DDHD1: variants seen among roughly 807,000 people sequenced by gnomAD.
DDHD1 encodes DDHD domain containing 1.
DDHD1 carries 49 observed loss-of-function variants against 96.4 expected under a neutral mutation model. The ratio of observed to expected loss-of-function variants is 0.51; its 90% CI spans 0.40 to 0.64. The LOEUF (loss-of-function observed/expected upper bound fraction) is 0.64. Among genes scored for constraint, DDHD1 ranks in the 30% least tolerant of loss-of-function variants. DDHD1 has a pLI of 0.00. For synonymous variants in DDHD1, 442 were observed against 446.5 expected (o/e 0.99, Z 0.13); for missense variants, 1,106 against 1,161.2 (o/e 0.95, Z 0.69).
Position 53,091,830 on chromosome 14 carries a change from A to G in DDHD1, c.1244T>C (p.Ile415Thr). ...TCTTCCTTGGTCCATTTTCTGCCCA[A>G]TGCCATGCACAACAAATACAATATG... ...TTHIVFVVHG[I>T]GQKMDQGRII... Residue 415 changes from isoleucine (I) to threonine (T), a missense_variant, in exon 4 of 13, where the codon ATT becomes ACT. By Grantham distance (89) the Ile-to-Thr change is moderately conservative. This residue lies in a region of DDHD1 where 650 missense variants were observed against 758.8 expected (regional missense o/e 0.86). Coordinates refer to ENST00000673822, the MANE Select transcript of DDHD1 (RefSeq NM_001160148.2). 1 of 1,613,756 alleles carries G rather than the reference A, an allele frequency of 6.2e-7. No homozygotes were observed. The highest frequency in any genetic ancestry group is 8.5e-7 in the Non-Finnish European group (1 of 1,179,828).
intron 2 of DDHD1, among the ~76,000 whole-genome samples, chr14:53,094,182 A>G (rs933314238): frequency 6.6e-6 from 1 of 152,160 alleles, no homozygotes; most frequent in Non-Finnish European, 1.5e-5. Context: ...GTCTAAAAAA[A>G]AAAAAGAAAA....
At chr14:53,115,442 G>A (rs1041631024) in intron 1 of DDHD1, among the ~76,000 whole-genome samples, 2 of 152,086 alleles carry the variant, frequency 1.3e-5, no homozygotes, top group East Asian at 1.9e-4. Flanking sequence ...CTCCAAGGCT[G>A]AAACAAAGGA....
In DDHD1 at chr14:53,061,506, C is replaced by A. The variant is rs61985087; in HGVS notation, c.1767-305G>T. On this transcript the variant is annotated intron_variant, in intron 7 of 12. Coordinates refer to ENST00000673822, the MANE Select transcript of DDHD1 (RefSeq NM_001160148.2). ...AAAAAATTATACCAAATGGTTAATA[C>A]CATATATACTGTTCTCTCTTTTCTA... is the stretch of plus-strand genomic sequence containing the variant. 0.18 allele frequency among the ~76,000 whole-genome samples: 27,199 copies of A among 151,952 alleles called. 2,609 individuals carry two copies. Among genetic ancestry groups the A allele is most frequent in the East Asian group, 0.33 (1,726 of 5,158 alleles).
intron 4 of DDHD1, among the ~76,000 whole-genome samples, chr14:53,084,877 G>A (rs976677301): frequency 2.6e-5 from 4 of 152,234 alleles, no homozygotes; most frequent in Non-Finnish European, 5.9e-5. Flanking sequence ...CTAGCCAAGG[G>A]AAGCCGTGAC....
At chr14:53,098,425 A>C (rs962512671) in intron 2 of DDHD1, among the ~76,000 whole-genome samples, 1 of 152,024 alleles carries the variant, frequency 6.6e-6, no homozygotes, top group Non-Finnish European at 1.5e-5. Context: ...ATGACATACT[A>C]ATTCCTACAA....
chr14:53,147,843 G>C (rs900056071), intron 1 of DDHD1, among the ~76,000 whole-genome samples: 2 of 152,108 alleles, frequency 1.3e-5, no homozygotes, highest in African/African-American at 4.8e-5. Context: ...CTTTATTGGA[G>C]ACAGAAACTG....
chr14:53,065,075 G>A (rs1883908299), intron 6 of DDHD1, among the ~76,000 whole-genome samples: 1 of 152,126 alleles, frequency 6.6e-6, no homozygotes, highest in South Asian at 2.1e-4. Flanking sequence ...TCTACAATAT[G>A]ATCTAATCAA....
At chr14:53,136,021 C>A (rs1365088976) in intron 1 of DDHD1, among the ~76,000 whole-genome samples, 1 of 152,182 alleles carries the variant, frequency 6.6e-6, no homozygotes, top group African/African-American at 2.4e-5. Context: ...TGACATTCCA[C>A]CATTGTAATT....
chr14:53,153,282 T>C lies in DDHD1; in HGVS notation c.-184A>G. 2.2e-6 allele frequency: 1 copy of C among 444,882 alleles called. No homozygotes were observed. The highest frequency in any genetic ancestry group is 3.7e-6 in the Non-Finnish European group (1 of 267,220). The allele number at this position is 444,882 out of a possible 1,614,324, so 27.6% of individuals were successfully genotyped here. On this transcript the variant is annotated 5_prime_UTR_variant, in exon 1 of 13. Transcript: ENST00000673822. ...AGACCCGCAGCCGCCGCAGCTGCGT[T>C]CTGCCGCCGGCCCCATTGTCACGCA...
intron 10 of DDHD1, 79 bp downstream of exon 10, chr14:53,055,581 T>G (rs192027189): frequency 7.3e-7 from 1 of 1,361,968 alleles, no homozygotes; most frequent in Non-Finnish European, 1.0e-6. Context: ...TCCTAATACA[T>G]AGAATACTTC....
At chr14:53,073,676 T>C in intron 5 of DDHD1, 65 bp downstream of exon 5, 1 of 1,399,576 alleles carries the variant, frequency 7.1e-7, no homozygotes, top group South Asian at 1.3e-5. Flanking sequence ...TTTCTAAAAC[T>C]TTCTGCATTT....
intron 4 of DDHD1, among the ~76,000 whole-genome samples, chr14:53,086,416 C>T (rs1885955529): frequency 6.6e-6 from 1 of 152,126 alleles, no homozygotes; most frequent in Non-Finnish European, 1.5e-5. Flanking sequence ...GGTCAGGTTA[C>T]CCACAAAGGG....
At chr14:53,106,406 C>G (rs1452119447) in intron 1 of DDHD1, among the ~76,000 whole-genome samples, 1 of 152,132 alleles carries the variant, frequency 6.6e-6, no homozygotes, top group Non-Finnish European at 1.5e-5. Flanking sequence ...TGCCTGTAAT[C>G]CCAGCATTCT....
In DDHD1 at chr14:53,045,040, C is replaced by G. The variant is rs1195248861; in HGVS notation, c.*1728G>C. 6.6e-6 allele frequency: 1 copy of G among 152,166 alleles called. No individual in the cohort carries two copies. The highest frequency in any genetic ancestry group is 2.4e-5 in the African/African-American group (1 of 41,436). 9.4% of individuals were successfully genotyped at this position (152,166 alleles called of 1,614,324 possible). A position where few individuals can be genotyped will look rare whatever the true frequency, so the allele number is the denominator to read the frequency against. On this transcript the variant is annotated 3_prime_UTR_variant, in exon 13 of 13. Transcript: ENST00000673822. ...GCTACTGATCCCCTCTAGGTAACTCCTCTTTTGTGTGAGAATCCAAGAACA... is the reference window on the plus strand; with the variant it reads ...GCTACTGATCCCCTCTAGGTAACTCGTCTTTTGTGTGAGAATCCAAGAACA...
intron 4 of DDHD1, among the ~76,000 whole-genome samples, chr14:53,079,900 T>A (rs11626149): frequency 0.57 from 86,183 of 151,916 alleles, 25,994 homozygotes; most frequent in South Asian, 0.7. Context: ...TGGAAGTAGG[T>A]TTTCTGGGTC....
intron 2 of DDHD1, among the ~76,000 whole-genome samples, chr14:53,097,519 T>C (rs1886976243): frequency 6.6e-6 from 1 of 151,988 alleles, no homozygotes; most frequent in African/African-American, 2.4e-5. Context: ...GAGGAGCAGA[T>C]GTACCACTTA....
intron 4 of DDHD1, among the ~76,000 whole-genome samples, chr14:53,088,010 A>G (rs1244708575): frequency 1.3e-5 from 2 of 152,230 alleles, no homozygotes; most frequent in Middle Eastern, 3.2e-3. Flanking sequence ...AAATACAACA[A>G]ACTACCATCA....
chr14:53,073,647 C>G (rs1884712723), intron 5 of DDHD1, 94 bp downstream of exon 5: 1 of 951,008 alleles, frequency 1.1e-6, no homozygotes, highest in African/African-American at 1.7e-5. Flanking sequence ...ACACTACATT[C>G]TCAATTAACA....
In DDHD1 at chr14:53,152,363, G is replaced by A. The variant is rs946896733; in HGVS notation, c.736C>T (p.Pro246Ser). The change falls in exon 1 of 13, where the codon CCG becomes TCG. Residue 246 changes from proline to serine, a missense_variant. This residue lies in a region of DDHD1 where 456 missense variants were observed against 402.4 expected (regional missense o/e 1.13). Coordinates refer to ENST00000673822, the MANE Select transcript of DDHD1 (RefSeq NM_001160148.2). ...GFCQSTTGHE[P>S]EMVELVNIEP... ...ATGTTCACAAGCTCCACCATCTCCG[G>A]CTCGTGCCCCGTCGTACTCTGGCAG... 1.2e-6 allele frequency: 2 copies of A among 1,613,824 alleles called. No homozygotes were observed. Among genetic ancestry groups the A allele is most frequent in the Non-Finnish European group, 1.7e-6 (2 of 1,179,974 alleles).
Sources: allele counts gnomAD v4.1 joint callset (sites outside exome capture counted in the v4.1 genomes callset), GRCh38; gene constraint gnomAD v4.1.1; regional missense constraint gnomAD v4.1.1; transcripts MANE v1.5; gene names NCBI Gene and HGNC (gene_info 2026-07-23, HGNC 2026-07-21).